Variants in CERS6 observed in about 807,000 individuals in gnomAD.
CERS6 encodes the protein ceramide synthase 6.
A neutral mutation model predicts 56.8 loss-of-function variants in CERS6; 26 were observed. The ratio of observed to expected loss-of-function variants is 0.46; its 90% CI spans 0.34 to 0.63. CERS6 has a LOEUF of 0.63. CERS6 is among the 30% of genes least tolerant of loss of function. The pLI is 0.01. For missense variants in CERS6, 415 were observed against 467.5 expected (o/e 0.89, Z 1.04); for synonymous variants, 164 against 173.3 (o/e 0.95, Z 0.42).
chr2:168,497,708 G>C (rs1162584920), intron 1 of CERS6, among the ~76,000 whole-genome samples: 1 of 152,208 alleles, frequency 6.6e-6, no homozygotes, highest in Non-Finnish European at 1.5e-5. Context: ...TCATCACAGA[G>C]GGCCTTGGGA....
Position 168,611,573 on chromosome 2 carries a change from C to T in CERS6, c.408-19412C>T, listed in dbSNP as rs548714915. On this transcript the variant is annotated intron_variant, in intron 3 of 9. Transcript: ENST00000305747. ...GTACATCTTCATTGGTCGATTTATCCGTGTATCATGTCTTATTTATAACAC... is the reference window on the plus strand; with the variant it reads ...GTACATCTTCATTGGTCGATTTATCTGTGTATCATGTCTTATTTATAACAC... Among the ~76,000 whole-genome samples the T allele has an allele frequency of 2.6e-5, 4 of 152,250 alleles. No homozygotes were observed. The South Asian group carries it at 6.2e-4, about 24-fold the overall frequency.
At chr2:168,523,295 A>G (rs1469470994) in intron 1 of CERS6, among the ~76,000 whole-genome samples, 1 of 152,186 alleles carries the variant, frequency 6.6e-6, no homozygotes, top group East Asian at 1.9e-4. Context: ...AAAAATGAAC[A>G]GTTGTTCTCT....
At chr2:168,644,040 A>G in intron 4 of CERS6, 1 of 960,410 alleles carries the variant, frequency 1.0e-6, no homozygotes, top group African/African-American at 1.8e-5. Flanking sequence ...AAGAACTGAT[A>G]TAGCATAAAA....
At chr2:168,740,911 T>C (rs3856424) in intron 8 of CERS6, among the ~76,000 whole-genome samples, 13,516 of 152,182 alleles carry the variant, frequency 0.089, 1,002 homozygotes, top group East Asian at 0.45. Flanking sequence ...GTAGTGGTGG[T>C]AGACAGAAGT....
intron 4 of CERS6, among the ~76,000 whole-genome samples, chr2:168,635,949 T>G (rs888985923): frequency 1.3e-5 from 2 of 152,228 alleles, no homozygotes; most frequent in African/African-American, 4.8e-5. Context: ...GATTGTAATT[T>G]TTTTTGCCTA....
chr2:168,548,262 G>A (rs1027243355), intron 2 of CERS6, among the ~76,000 whole-genome samples: 3 of 152,152 alleles, frequency 2.0e-5, no homozygotes, highest in African/African-American at 7.2e-5. Context: ...GAATAAAAGG[G>A]AGGAGATACT....
At chr2:168,645,240 A>T (rs1462708665) in intron 4 of CERS6, among the ~76,000 whole-genome samples, 3 of 140,482 alleles carry the variant, frequency 2.1e-5, no homozygotes, top group Non-Finnish European at 3.0e-5. Context: ...TAAAAGATTT[A>T]TTCTGTTCTC....
At chr2:168,519,692 A>G (rs567316289) in intron 1 of CERS6, among the ~76,000 whole-genome samples, 23 of 152,370 alleles carry the variant, frequency 1.5e-4, no homozygotes, top group Admixed American at 1.3e-3. Context: ...AGCTACATCA[A>G]CGTTGCTGCA....
chr2:168,671,749 G>A (rs1266722374), intron 4 of CERS6, among the ~76,000 whole-genome samples: 4 of 152,100 alleles, frequency 2.6e-5, no homozygotes, highest in Non-Finnish European at 4.4e-5. Flanking sequence ...CAGGATGTAT[G>A]TCCTAGACTC....
intron 2 of CERS6, among the ~76,000 whole-genome samples, chr2:168,554,898 T>C (rs1049170065): frequency 2.0e-5 from 3 of 152,156 alleles, no homozygotes; most frequent in African/African-American, 7.2e-5. Flanking sequence ...AAAATAGTTA[T>C]GAATCATATA....
At chr2:168,503,816 CA>C (rs1356072223) in intron 1 of CERS6, among the ~76,000 whole-genome samples, 1 of 152,020 alleles carries the variant, frequency 6.6e-6, no homozygotes, top group African/African-American at 2.4e-5. Flanking sequence ...ATAAGGGAGT[CA>C]GGGGAGGAAA....
chr2:168,633,195 A>G (rs901127076), intron 4 of CERS6, among the ~76,000 whole-genome samples: 1 of 151,142 alleles, frequency 6.6e-6, no homozygotes, highest in African/African-American at 2.4e-5. Flanking sequence ...AAAGGAAAGG[A>G]AAGAAGAACT....
chr2:168,638,859 A>G (rs1207015476), intron 4 of CERS6, among the ~76,000 whole-genome samples: 1 of 152,202 alleles, frequency 6.6e-6, no homozygotes, highest in Non-Finnish European at 1.5e-5. Flanking sequence ...GCTGAAGTAT[A>G]GATTTTTGGG....
At chr2:168,473,720 T>A (rs1694018913) in intron 1 of CERS6, among the ~76,000 whole-genome samples, 1 of 151,902 alleles carries the variant, frequency 6.6e-6, no homozygotes, top group Admixed American at 6.6e-5. Flanking sequence ...AAACTCCCCA[T>A]ACACGAAAAA....
At chr2:168,473,506 A>G (rs1694015052) in intron 1 of CERS6, among the ~76,000 whole-genome samples, 1 of 152,202 alleles carries the variant, frequency 6.6e-6, no homozygotes, top group African/African-American at 2.4e-5. Flanking sequence ...ATGACACAAT[A>G]TATAATAAAT....
intron 6 of CERS6, among the ~76,000 whole-genome samples, chr2:168,701,807 A>T (rs1034363789): frequency 1.3e-5 from 2 of 152,158 alleles, no homozygotes; most frequent in Non-Finnish European, 2.9e-5. Context: ...GGAGTTTAAG[A>T]CCTGCCTGGG....
chr2:168,471,942 G>C (rs1463320737), intron 1 of CERS6, among the ~76,000 whole-genome samples: 1 of 152,124 alleles, frequency 6.6e-6, no homozygotes, highest in Non-Finnish European at 1.5e-5. Flanking sequence ...TTTTGTTTCT[G>C]AGGCCCAGTT....
At chr2:168,670,859 A>G (rs1385142555) in intron 4 of CERS6, among the ~76,000 whole-genome samples, 1 of 151,566 alleles carries the variant, frequency 6.6e-6, no homozygotes, top group Non-Finnish European at 1.5e-5. Flanking sequence ...CCACTAGAAA[A>G]TAAGTTCTGT....
At chr2:168,564,831 T>A (rs1333236079) in intron 3 of CERS6, among the ~76,000 whole-genome samples, 1 of 152,204 alleles carries the variant, frequency 6.6e-6, no homozygotes, top group Non-Finnish European at 1.5e-5. Flanking sequence ...CATGCTGCCT[T>A]ATGTGGTTAC....
Sources: allele counts gnomAD v4.1 joint callset (sites outside exome capture counted in the v4.1 genomes callset), GRCh38; gene constraint gnomAD v4.1.1; transcripts MANE v1.5; gene names NCBI Gene and HGNC (gene_info 2026-07-23, HGNC 2026-07-21).